ENPP6: variants seen among roughly 807,000 people sequenced by gnomAD.
ENPP6 encodes the protein ectonucleotide pyrophosphatase/phosphodiesterase 6, also known as glycerophosphocholine cholinephosphodiesterase ENPP6.
A neutral mutation model predicts 42.0 loss-of-function variants in ENPP6; 32 were observed. The ratio of observed to expected loss-of-function variants is 0.76; its 90% CI spans 0.58 to 1.02. The LOEUF is 1.02. ENPP6 is among the 50% of genes least tolerant of loss of function. The pLI is 0.00. For missense variants in ENPP6, 552 were observed against 566.8 expected, an observed-to-expected ratio of 0.97 and a Z score of 0.27; for synonymous variants, 213 against 216.0, an observed-to-expected ratio of 0.99 and a Z score of 0.12.
intron 2 of ENPP6, among the ~76,000 whole-genome samples, chr4:184,134,175 C>T (rs1444214855): frequency 2.0e-5 from 2 of 97,786 alleles, no homozygotes; most frequent in Middle Eastern, 5.2e-3. Flanking sequence ...GCTGGTATCA[C>T]ACTATGTTGG....
In ENPP6 at chr4:184,132,816, T is replaced by C. The variant is rs190784719; in HGVS notation, c.422-8544A>G. Among the ~76,000 whole-genome samples, 22 of 57,980 alleles carry C rather than the reference T, an allele frequency of 3.8e-4. No homozygotes were observed. The South Asian group carries it at 0.011, about 30-fold the overall frequency. 38.0% of individuals were successfully genotyped at this position (57,980 alleles called of 152,430 possible). A position where few individuals can be genotyped will look rare whatever the true frequency, so the allele number is the denominator to read the frequency against. On this transcript the variant is annotated intron_variant, in intron 2 of 7. Transcript: ENST00000296741. ...ACACATATATATACATATATACATA[T>C]ATACACACACACACACACATATATA...
intron 1 of ENPP6, among the ~76,000 whole-genome samples, chr4:184,186,705 G>A (rs556541994): frequency 3.3e-5 from 5 of 152,294 alleles, no homozygotes; most frequent in African/African-American, 9.6e-5. Flanking sequence ...GTGAATTTAG[G>A]AAGAGCAGGA....
At chr4:184,117,629 C>G in intron 4 of ENPP6, 130 bp downstream of exon 4, 2 of 1,360,048 alleles carry the variant, frequency 1.5e-6, no homozygotes, top group Non-Finnish European at 2.0e-6. Flanking sequence ...CCAAGGGACT[C>G]GTCAAAGCCT....
chr4:184,199,423 C>T (rs572249043), intron 1 of ENPP6, among the ~76,000 whole-genome samples: 11 of 152,342 alleles, frequency 7.2e-5, no homozygotes, highest in East Asian at 1.9e-4. Context: ...CAAACATTTA[C>T]GTTTCTGTAC....
intron 2 of ENPP6, among the ~76,000 whole-genome samples, chr4:184,143,770 G>T (rs556507197): frequency 1.3e-5 from 2 of 152,314 alleles, no homozygotes; most frequent in African/African-American, 4.8e-5. Flanking sequence ...TGCGCGCCTC[G>T]CAGTGAGTGA....
intron 3 of ENPP6, among the ~76,000 whole-genome samples, chr4:184,122,745 T>C (rs933738965): frequency 2.6e-5 from 4 of 152,222 alleles, no homozygotes; most frequent in African/African-American, 9.6e-5. Context: ...AAACAGACTG[T>C]TGGGTTATTT....
At chr4:184,143,610 C>G (rs778045106) in intron 2 of ENPP6, among the ~76,000 whole-genome samples, 2 of 152,200 alleles carry the variant, frequency 1.3e-5, no homozygotes, top group African/African-American at 4.8e-5. Flanking sequence ...CTGGGAGCCC[C>G]GCTTTCTGTC....
At chr4:184,150,365 C>T (rs563447052) in intron 2 of ENPP6, among the ~76,000 whole-genome samples, 10 of 152,178 alleles carry the variant, frequency 6.6e-5, no homozygotes, top group African/African-American at 2.2e-4. Context: ...CGTGTCATAA[C>T]CCAGTTCACT....
intron 1 of ENPP6, among the ~76,000 whole-genome samples, chr4:184,206,528 TTAC>T (rs1302982078): frequency 4.0e-5 from 6 of 151,878 alleles, no homozygotes; most frequent in African/African-American, 1.4e-4. Flanking sequence ...AGTGCTGGGA[TTAC>T]AGGCGTGAGC....
At position 184,088,770 on chromosome 4, in the gene ENPP6, C is replaced by G. The variant is rs1298591474; in HGVS notation, c.*2407G>C. 6.6e-6 allele frequency: 1 copy of G among 151,768 alleles called. No individual in the cohort carries two copies. Among genetic ancestry groups the G allele is most frequent in the Non-Finnish European group, 1.5e-5 (1 of 67,932 alleles). 9.4% of individuals were successfully genotyped at this position (151,768 alleles called of 1,614,324 possible). A position where few individuals can be genotyped will look rare whatever the true frequency, so the allele number is the denominator to read the frequency against. On this transcript the variant is annotated 3_prime_UTR_variant, in exon 8 of 8. Coordinates refer to ENST00000296741, the MANE Select transcript of ENPP6 (RefSeq NM_153343.4). ...TGTCTGAATCTTCTTTATTGTTTAC[C>G]AGGATTCATGATTCCTTTTGTAACT...
At chr4:184,189,087 A>T (rs1261500361) in intron 1 of ENPP6, among the ~76,000 whole-genome samples, 1 of 152,216 alleles carries the variant, frequency 6.6e-6, no homozygotes, top group East Asian at 1.9e-4. Context: ...GGCTCTGCAC[A>T]CTAAGAGAGC....
intron 1 of ENPP6, among the ~76,000 whole-genome samples, chr4:184,201,452 C>T (rs1000212574): frequency 1.3e-5 from 2 of 152,134 alleles, no homozygotes; most frequent in African/African-American, 4.8e-5. Flanking sequence ...GTGTAGACCG[C>T]AGTGGCTCCA....
At chr4:184,146,023 C>CTTT (rs70959175) in intron 2 of ENPP6, among the ~76,000 whole-genome samples, 13 of 142,010 alleles carry the variant, frequency 9.2e-5, no homozygotes, top group South Asian at 2.2e-4. Context: ...TTTTCTTTTT[C>CTTT]TTTTTTTTTT....
At position 184,124,190 on chromosome 4, in the gene ENPP6, A is replaced by T. The variant is rs1177268528; in HGVS notation, c.504T>A (p.Asn168Lys). The T allele has an allele frequency of 6.2e-7, 1 of 1,614,046 alleles. No individual in the cohort carries two copies. ...KNVPTDINFANAVSDALDSFK... is the reference protein window; with the variant it reads ...KNVPTDINFAKAVSDALDSFK... Reference sequence around the variant, plus strand: ...AGGAGTCAAGAGCATCGCTGACTGCATTGGCAAAATTGATATCCGTTGGGA... The same window carrying T: ...AGGAGTCAAGAGCATCGCTGACTGCTTTGGCAAAATTGATATCCGTTGGGA... Residue 168 changes from asparagine (N) to lysine (K), a missense_variant, in exon 3 of 8, where the codon AAT becomes AAA. Physicochemically the swap from Asn to Lys is moderately conservative, Grantham distance 94 (BLOSUM62 0). Around this residue, in one of 2 missense-constraint regions of ENPP6, gnomAD observed 545 missense variants for 546.3 expected, o/e 1.00. Coordinates refer to ENST00000296741, the MANE Select transcript of ENPP6 (RefSeq NM_153343.4).
intron 1 of ENPP6, among the ~76,000 whole-genome samples, chr4:184,157,365 C>T (rs1245626635): frequency 6.6e-6 from 1 of 152,196 alleles, no homozygotes; most frequent in Non-Finnish European, 1.5e-5. Context: ...AGAAAGTTAG[C>T]CTTACCATCT....
intron 2 of ENPP6, among the ~76,000 whole-genome samples, chr4:184,146,438 A>AAAAG (rs1553997014): frequency 4.7e-5 from 7 of 150,320 alleles, no homozygotes; most frequent in South Asian, 4.2e-4. Flanking sequence ...TCAAAAAAAA[A>AAAAG]AAAGAAAGAA....
At chr4:184,190,650 G>C (rs1446448442) in intron 1 of ENPP6, among the ~76,000 whole-genome samples, 1 of 152,212 alleles carries the variant, frequency 6.6e-6, no homozygotes, top group African/African-American at 2.4e-5. Context: ...CTTACTAAGT[G>C]TCAGGGAGCA....
chr4:184,217,281 T>C (rs1403700352), intron 1 of ENPP6, among the ~76,000 whole-genome samples: 1 of 152,108 alleles, frequency 6.6e-6, no homozygotes, highest in Non-Finnish European at 1.5e-5. Context: ...CATTAGAATT[T>C]CTCTTTCTAA....
chr4:184,130,331 G>T (rs1456830364), intron 2 of ENPP6, among the ~76,000 whole-genome samples: 1 of 151,140 alleles, frequency 6.6e-6, no homozygotes, highest in Non-Finnish European at 1.5e-5. Flanking sequence ...GGCCGAGGTG[G>T]GTGGATCACG....
Sources: gnomAD v4.1 joint callset for allele counts (sites outside exome capture counted in the v4.1 genomes callset) on GRCh38, gnomAD v4.1.1 for gene constraint, gnomAD v4.1.1 regional missense constraint, MANE v1.5 for transcripts, NCBI Gene and HGNC (gene_info 2026-07-23, HGNC 2026-07-21) for gene names.